The following OTX2 variants were observed in gnomAD, a reference collection of about 807,000 sequenced individuals.
OTX2 encodes orthodenticle homeobox 2.
A neutral mutation model predicts 29.0 loss-of-function variants in OTX2; 4 were observed. The observed-to-expected ratio is 0.14, with a 90% confidence interval of 0.07 to 0.32. The LOEUF (loss-of-function observed/expected upper bound fraction) is 0.32, where lower values mean the gene tolerates loss of function less well. OTX2 is among the 10% of genes least tolerant of loss of function. The pLI is 1.00. For synonymous variants in OTX2, 134 were observed against 141.0 expected (o/e 0.95, Z 0.35); for missense variants, 298 against 365.9 (o/e 0.81, Z 1.51).
Position 56,804,355 on chromosome 14 carries a change from C to A in OTX2, c.106G>T (p.Ala36Ser). 2 of 1,613,546 alleles carry A rather than the reference C, an allele frequency of 1.2e-6. No homozygotes were observed. Among genetic ancestry groups the A allele is most frequent in the Admixed American group, 3.3e-5 (2 of 60,008 alleles). Residue 36 changes from alanine to serine, a missense_variant, in exon 4 of 5, where the codon GCT becomes TCT. This residue lies in a region of OTX2 where 50 missense variants were observed against 57.6 expected (regional missense o/e 0.87). Coordinates refer to ENST00000672264, the MANE Select transcript of OTX2 (RefSeq NM_021728.4). The surrounding 1 kb of genome is among the most constrained non-coding windows in gnomAD (Gnocchi z 4.1). Reference protein sequence around the residue: ...HPSVGYPGPWASCPAATPRKQ... With the variant: ...HPSVGYPGPWSSCPAATPRKQ... The stretch of plus-strand genomic sequence containing the variant: ...CGGGGGGTGGCTGCGGGACAAGAAG[C>A]CCAGGGCCCTTTAGGGTGGGGGAGC...
At position 56,810,477 on chromosome 14, in the gene OTX2, G is replaced by T. The variant is rs1469092804; in HGVS notation, c.-285C>A. 6.6e-6 allele frequency: 1 copy of T among 152,188 alleles called. No individual in the cohort carries two copies. Among genetic ancestry groups the T allele is most frequent in the Non-Finnish European group, 1.5e-5 (1 of 68,030 alleles). 9.4% of individuals were successfully genotyped at this position (152,188 alleles called of 1,614,324 possible). On this transcript the variant is annotated 5_prime_UTR_variant, in exon 1 of 5. Coordinates refer to ENST00000672264, the MANE Select transcript of OTX2 (RefSeq NM_021728.4). ...GCCGGTCCCGCTCTCAGGGAGATTT[G>T]CTGAGAAAGCGCCTCTCTGGCAACT...
intron 2 of OTX2, among the ~76,000 whole-genome samples, chr14:56,807,869 A>T (rs1566626799): frequency 2.0e-5 from 3 of 152,234 alleles, no homozygotes; most frequent in South Asian, 2.1e-4. Context: ...GCCTCTGGAG[A>T]ACTCATACCT....
intron 3 of OTX2, 84 bp downstream of exon 3, chr14:56,805,276 C>T (rs917553980): frequency 6.5e-6 from 6 of 924,832 alleles, no homozygotes; most frequent in Non-Finnish European, 1.1e-5. Flanking sequence ...TGCCAACCCC[C>T]GTGTTCCATG....
intron 2 of OTX2, among the ~76,000 whole-genome samples, chr14:56,809,298 A>G (rs1892196831): frequency 6.6e-6 from 1 of 152,198 alleles, no homozygotes; most frequent in African/African-American, 2.4e-5. Flanking sequence ...AGTCATGTTG[A>G]AAAAACACTC....
In OTX2 at chr14:56,804,781, T is replaced by A. The variant is rs904827413; in HGVS notation, c.98-418A>T. Among the ~76,000 whole-genome samples, 3 of 152,084 alleles carry A rather than the reference T, an allele frequency of 2.0e-5. No individual in the cohort carries two copies. Among genetic ancestry groups the A allele is most frequent in the Non-Finnish European group, 2.9e-5 (2 of 68,028 alleles). ...TTTTTAGCACACCATGGGCCTTTGT[T>A]CCTCCATCTTTAAAATGGGGACATA... On this transcript the variant is annotated intron_variant, in intron 3 of 4. Transcript: ENST00000672264. The surrounding 1 kb of genome is among the most constrained non-coding windows in gnomAD (Gnocchi z 4.1).
rs1891932902 is a variant in OTX2, at chr14:56,802,567, T to C, written c.274-212A>G. Reference sequence around the variant, plus strand: ...CTGTCTAAAAACACTTGACACTGTCTTATTTCTTGCCCAGAATAACATTTA... The same window carrying C: ...CTGTCTAAAAACACTTGACACTGTCCTATTTCTTGCCCAGAATAACATTTA... On this transcript the variant is annotated intron_variant, in intron 4 of 4. Transcript: ENST00000672264. This position sits in a 1 kb window ranked among gnomAD's most constrained non-coding sequence, Gnocchi z 4.4. Among the ~76,000 whole-genome samples the C allele has an allele frequency of 6.6e-6, 1 of 152,194 alleles. No homozygotes were observed. Among genetic ancestry groups the C allele is most frequent in the South Asian group, 2.1e-4 (1 of 4,830 alleles).
chr14:56,804,274 C>A lies in OTX2; in HGVS notation c.187G>T (p.Ala63Ser), dbSNP rs368759331. 35 of 1,614,202 alleles carry A rather than the reference C, an allele frequency of 2.2e-5. No individual in the cohort carries two copies. The African/African-American group carries it at 3.1e-4, about 14-fold the overall frequency. ...GGGTACCGGGTCTTGGCAAACAGTG[C>A]TTCCAGCACATCTAGCTGCGCCCGA... Reference protein sequence around the residue: ...FTRAQLDVLEALFAKTRYPDI... With the variant: ...FTRAQLDVLESLFAKTRYPDI... The change falls in exon 4 of 5, where the codon GCA becomes TCA. Residue 63 changes from alanine (A) to serine (S), a missense_variant. Around this residue, in one of 3 missense-constraint regions of OTX2, gnomAD observed 29 missense variants for 84.7 expected, o/e 0.34. Coordinates refer to ENST00000672264, the MANE Select transcript of OTX2 (RefSeq NM_021728.4). The surrounding 1 kb of genome is among the most constrained non-coding windows in gnomAD (Gnocchi z 4.1).
rs555242082 is a variant in OTX2, at chr14:56,801,611, G to T, written c.*124C>A. On this transcript the variant is annotated 3_prime_UTR_variant, in exon 5 of 5. Transcript: ENST00000672264. The surrounding 1 kb of genome is among the most constrained non-coding windows in gnomAD (Gnocchi z 4.2). Reference sequence around the variant, plus strand: ...TTCGTTTTTCCTTCTATGCCTCTCGGAACTTTGATCAGATGAGTCTGAGCA... The same window carrying T: ...TTCGTTTTTCCTTCTATGCCTCTCGTAACTTTGATCAGATGAGTCTGAGCA... 1 of 1,162,472 alleles carries T rather than the reference G, an allele frequency of 8.6e-7. No homozygotes were observed. Among genetic ancestry groups the T allele is most frequent in the East Asian group, 2.4e-5 (1 of 42,284 alleles). 72.0% of individuals were successfully genotyped at this position (1,162,472 alleles called of 1,614,324 possible).
chr14:56,808,335 C>A (rs972318023), intron 2 of OTX2, among the ~76,000 whole-genome samples: 3 of 152,166 alleles, frequency 2.0e-5, no homozygotes, highest in Non-Finnish European at 4.4e-5. Context: ...CAAAACTACG[C>A]GGACTGGCGA....
chr14:56,809,111 C>A (rs970678720), intron 2 of OTX2, among the ~76,000 whole-genome samples: 2 of 152,172 alleles, frequency 1.3e-5, no homozygotes, highest in Non-Finnish European at 2.9e-5. Flanking sequence ...TGCGCGAGCG[C>A]GCGGGCGAGC....
Position 56,804,795 on chromosome 14 carries a change from A to G in OTX2, c.98-432T>C, listed in dbSNP as rs1008899928. Among the ~76,000 whole-genome samples the G allele has an allele frequency of 2.0e-5, 3 of 152,080 alleles. No homozygotes were observed. The highest frequency in any genetic ancestry group is 4.4e-5 in the Non-Finnish European group (3 of 68,024). Reference sequence around the variant, plus strand: ...TGGGCCTTTGTTCCTCCATCTTTAAAATGGGGACATAGTTCATACTCCTGG... The same window carrying G: ...TGGGCCTTTGTTCCTCCATCTTTAAGATGGGGACATAGTTCATACTCCTGG... On this transcript the variant is annotated intron_variant, in intron 3 of 4. Transcript: ENST00000672264. The surrounding 1 kb of genome is among the most constrained non-coding windows in gnomAD (Gnocchi z 4.1).
At position 56,801,729 on chromosome 14, in the gene OTX2, A is replaced by C. The variant is rs1204435968; in HGVS notation, c.*6T>G. The C allele has an allele frequency of 6.2e-7, 1 of 1,613,522 alleles. No homozygotes were observed. Among genetic ancestry groups the C allele is most frequent in the African/African-American group, 1.3e-5 (1 of 74,912 alleles). On this transcript the variant is annotated 3_prime_UTR_variant, in exon 5 of 5. Transcript: ENST00000672264. This position sits in a 1 kb window ranked among gnomAD's most constrained non-coding sequence, Gnocchi z 4.2. ...AATCACCCACAAAAAGAGGTTCTAC[A>C]GGTCTTCACAAAACCTGGAATTTCC...
intron 2 of OTX2, among the ~76,000 whole-genome samples, chr14:56,807,733 T>G (rs559697302): frequency 7.9e-5 from 12 of 152,378 alleles, no homozygotes; most frequent in African/African-American, 2.9e-4. Flanking sequence ...GTATGCACTC[T>G]GCATAGAAGG....
chr14:56,801,394 TG>T lies in OTX2; in HGVS notation c.*340del, dbSNP rs3215889. The T allele has an allele frequency of 0.029, 10,572 of 370,246 alleles. 292 individuals carry two copies. The highest frequency in any genetic ancestry group is 0.13 in the East Asian group (1,926 of 15,378). 22.9% of individuals were successfully genotyped at this position (370,246 alleles called of 1,614,324 possible). On this transcript the variant is annotated 3_prime_UTR_variant, in exon 5 of 5. Coordinates refer to ENST00000672264, the MANE Select transcript of OTX2 (RefSeq NM_021728.4). This position sits in a 1 kb window ranked among gnomAD's most constrained non-coding sequence, Gnocchi z 4.2. The stretch of plus-strand genomic sequence containing the variant: ...GGAACACCTCTGCTTAAGAAGGCTA[TG>T]ACCTTCCCTCCCTTCCTTCACAACT...
At position 56,801,670 on chromosome 14, in the gene OTX2, C is replaced by T. The variant is rs1594951777; in HGVS notation, c.*65G>A. 1 of 1,546,456 alleles carries T rather than the reference C, an allele frequency of 6.5e-7. No individual in the cohort carries two copies. The highest frequency in any genetic ancestry group is 2.2e-5 in the East Asian group (1 of 44,610). On this transcript the variant is annotated 3_prime_UTR_variant, in exon 5 of 5. Transcript: ENST00000672264. The surrounding 1 kb of genome is among the most constrained non-coding windows in gnomAD (Gnocchi z 4.2). ...TCTAACTCTTTTAACCAATGCCTGG[C>T]TAAAACTGGAATGTCCAGCCCAGTA... is the stretch of plus-strand genomic sequence containing the variant.
chr14:56,800,095 C>T lies in OTX2; in HGVS notation c.*1640G>A, dbSNP rs756923801. The T allele has an allele frequency of 4.6e-5, 7 of 152,130 alleles. No homozygotes were observed. Among genetic ancestry groups the T allele is most frequent in the Non-Finnish European group, 1.0e-4 (7 of 68,020 alleles). The allele number at this position is 152,130 out of a possible 1,614,324, so 9.4% of individuals were successfully genotyped here. ...ATGCAGGTACAACTGAAAAGGGACC[C>T]ATTTTTTCCCCCTCGGCACTTTCTT... On this transcript the variant is annotated 3_prime_UTR_variant, in exon 5 of 5. Coordinates refer to ENST00000672264, the MANE Select transcript of OTX2 (RefSeq NM_021728.4).
chr14:56,809,517 G>A (rs1450866454), intron 2 of OTX2, among the ~76,000 whole-genome samples: 1 of 152,206 alleles, frequency 6.6e-6, no homozygotes, highest in African/African-American at 2.4e-5. Context: ...AGCAGTGAGC[G>A]CCGGGGCGGA....
chr14:56,808,595 T>C (rs1402343427), intron 2 of OTX2, among the ~76,000 whole-genome samples: 2 of 152,202 alleles, frequency 1.3e-5, no homozygotes, highest in Non-Finnish European at 2.9e-5. Context: ...GGTGTCTACC[T>C]TACTCTGGGG....
intron 2 of OTX2, among the ~76,000 whole-genome samples, chr14:56,807,453 T>C (rs1036024119): frequency 6.6e-6 from 1 of 152,162 alleles, no homozygotes; most frequent in Non-Finnish European, 1.5e-5. Context: ...TTGAGAAATA[T>C]GGAAATGTTC....
Sources: gnomAD v4.1 joint callset for allele counts (sites outside exome capture counted in the v4.1 genomes callset) on GRCh38, gnomAD v4.1.1 for gene constraint, gnomAD v4.1.1 regional missense constraint, Gnocchi (gnomAD v3.1) non-coding constraint, MANE v1.5 for transcripts, NCBI Gene and HGNC (gene_info 2026-07-23, HGNC 2026-07-21) for gene names.